ACOT2: variants seen among roughly 807,000 people sequenced by gnomAD.
The protein encoded by ACOT2 is acyl-CoA thioesterase 2.
In ACOT2, 15 loss-of-function variants were observed where a neutral mutation model predicts 20.1. That is an observed-to-expected ratio of 0.75 (90% CI 0.50 to 1.15). The LOEUF is 1.15. ACOT2 is among the 50% of genes most tolerant of loss of function. The probability of loss-of-function intolerance (pLI) is 0.00; values close to 1 mark genes in which losing one functional copy is unlikely to be tolerated. For missense variants in ACOT2, 479 were observed against 615.3 expected, an observed-to-expected ratio of 0.78 and a Z score of 2.34; for synonymous variants, 252 against 268.4, an observed-to-expected ratio of 0.94 and a Z score of 0.60.
intron 2 of ACOT2, among the ~76,000 whole-genome samples, chr14:73,573,892 A>G (rs183622252): frequency 1.8e-4 from 27 of 151,972 alleles, no homozygotes; most frequent in African/African-American, 6.5e-4. Context: ...ATGCTTGGCT[A>G]ATTTTTGTAT....
chr14:73,569,199 C>T (rs751733602), upstream of ACOT2: 23 of 1,604,066 alleles, frequency 1.4e-5, no homozygotes, highest in South Asian at 2.2e-5. Context: ...GCAGACAGCT[C>T]TGCCCTAGTG....
intron 1 of ACOT2, among the ~76,000 whole-genome samples, chr14:73,573,006 A>G (rs1566859845): frequency 6.6e-6 from 1 of 151,128 alleles, no homozygotes; most frequent in Non-Finnish European, 1.5e-5. Flanking sequence ...TGATAAAAAT[A>G]TCAGTAAGTG....
In ACOT2 at chr14:73,569,313, C is replaced by T; in HGVS notation, c.73C>T (p.Pro25Ser). The T allele has an allele frequency of 6.2e-7, 1 of 1,613,950 alleles. No homozygotes were observed. Among genetic ancestry groups the T allele is most frequent in the Non-Finnish European group, 8.5e-7 (1 of 1,179,794 alleles). Reference sequence around the variant, plus strand: ...GTCTGAATTCAAAATGGCCTCATCTCCTGCTGTCCTTCGAGCGTCCCGGCT... The same window carrying T: ...GTCTGAATTCAAAATGGCCTCATCTTCTGCTGTCCTTCGAGCGTCCCGGCT... ...LRSEFKMASS[P>S]AVLRASRLYQ... The change falls in exon 1 of 3, where the codon CCT becomes TCT. Residue 25 changes from proline (P) to serine (S), a missense_variant. This residue lies in a region of ACOT2 where 400 missense variants were observed against 395.5 expected (regional missense o/e 1.01). Coordinates refer to ENST00000238651, the MANE Select transcript of ACOT2 (RefSeq NM_006821.6).
At chr14:73,570,020 C>T (rs1007322611) in intron 1 of ACOT2, 137 bp downstream of exon 1, 19 of 1,349,124 alleles carry the variant, frequency 1.4e-5, no homozygotes, top group Non-Finnish European at 1.9e-5. Flanking sequence ...TTTCGAATTC[C>T]TGGTCTCCAG....
chr14:73,570,973 CCA>C (rs1229138566), intron 1 of ACOT2, among the ~76,000 whole-genome samples: 2 of 119,054 alleles, frequency 1.7e-5, no homozygotes, highest in South Asian at 2.5e-4. Context: ...GACTAGGAAG[CCA>C]CTTTTTTTTT....
At position 73,570,106 on chromosome 14, in the gene ACOT2, TAC is replaced by T. The variant is rs533573321; in HGVS notation, c.643+226_643+227del. On this transcript the variant is annotated intron_variant, in intron 1 of 2. Coordinates refer to ENST00000238651, the MANE Select transcript of ACOT2 (RefSeq NM_006821.6). The stretch of plus-strand genomic sequence containing the variant: ...CCGCGCCCGGCACTTTGAGGGGAGT[TAC>T]ACTTTTTTTTTTTTTCCGTCCCTGC... Among the ~76,000 whole-genome samples, 780 of 132,850 alleles carry T rather than the reference TAC, an allele frequency of 5.9e-3. 7 individuals carry two copies. Among genetic ancestry groups the T allele is most frequent in the African/African-American group, 0.02 (750 of 37,472 alleles). 87.2% of individuals were successfully genotyped at this position (132,850 alleles called of 152,430 possible).
chr14:73,568,694 C>T (rs1337814346), upstream of ACOT2, among the ~76,000 whole-genome samples: 4 of 151,812 alleles, frequency 2.6e-5, no homozygotes, highest in Non-Finnish European at 5.9e-5. Flanking sequence ...CTGAGGCGGG[C>T]GGATTACAAA....
At chr14:73,567,920 C>T (rs994708779), upstream of ACOT2, 3 of 152,120 alleles carry the variant, frequency 2.0e-5, no homozygotes, top group African/African-American at 4.8e-5. Flanking sequence ...CCGGACGCAT[C>T]TGAACATCAG....
rs765317546 is a variant in ACOT2 at position 73,573,341 on chromosome 14, G to C, written c.644-47G>C. ...TATGTTTAACTTAAACCATCCAACT[G>C]TTTCAGGAATAGCTTAGTTTTGCAT... On this transcript the variant is annotated intron_variant, in intron 1 of 2. Coordinates refer to ENST00000238651, the MANE Select transcript of ACOT2 (RefSeq NM_006821.6). 1.9e-6 allele frequency: 3 copies of C among 1,612,080 alleles called. No homozygotes were observed. The South Asian group carries it at 3.3e-5, about 18-fold the overall frequency.
Position 73,575,574 on chromosome 14 carries a change from T to C in ACOT2, c.*61T>C, listed in dbSNP as rs1469964276. The stretch of plus-strand genomic sequence containing the variant: ...CTCTCCTGGAAACATCTGCCACATT[T>C]AGTGTGTGTATGTGTATTCATTCTT... On this transcript the variant is annotated 3_prime_UTR_variant, in exon 3 of 3. Transcript: ENST00000238651. The C allele has an allele frequency of 6.5e-7, 1 of 1,549,050 alleles. No homozygotes were observed.
intron 1 of ACOT2, among the ~76,000 whole-genome samples, chr14:73,572,418 T>C (rs1197940276): frequency 1.3e-5 from 2 of 149,926 alleles, no homozygotes; most frequent in African/African-American, 2.4e-5. Context: ...GGAGAACACA[T>C]TCAGTATCAT....
Position 73,569,453 on chromosome 14 carries a change from T to C in ACOT2, c.213T>C (p.Pro71=), listed in dbSNP as rs750625786. 116 of 1,613,454 alleles carry C rather than the reference T, an allele frequency of 7.2e-5. 1 individual carries two copies. Among genetic ancestry groups the C allele is most frequent in the South Asian group, 8.8e-5 (8 of 91,052 alleles). ...ARMAATLILE[P]AGRCCWDEPV... The stretch of plus-strand genomic sequence containing the variant: ...TGGCGGCGACGCTGATCCTGGAGCC[T>C]GCGGGCCGCTGCTGCTGGGACGAAC... Residue 71 remains proline (P), a synonymous_variant, in exon 1 of 3, where the codon CCT becomes CCC. Coordinates refer to ENST00000238651, the MANE Select transcript of ACOT2 (RefSeq NM_006821.6).
Position 73,569,849 on chromosome 14 carries a change from G to T in ACOT2, c.609G>T (p.Val203=). Residue 203 remains valine (V), a synonymous_variant, in exon 1 of 3, where the codon GTG becomes GTT. Coordinates refer to ENST00000238651, the MANE Select transcript of ACOT2 (RefSeq NM_006821.6). ...PPGVRREPVR[V]GRVRGTLFLP... Reference sequence around the variant, plus strand: ...GGGTGCGGCGCGAGCCGGTGCGCGTGGGCCGGGTGCGAGGCACGCTCTTCC... The same window carrying T: ...GGGTGCGGCGCGAGCCGGTGCGCGTTGGCCGGGTGCGAGGCACGCTCTTCC... 3 of 1,605,094 alleles carry T rather than the reference G, an allele frequency of 1.9e-6. No individual in the cohort carries two copies. The highest frequency in any genetic ancestry group is 1.7e-6 in the Non-Finnish European group (2 of 1,176,308).
chr14:73,570,922 T>A (rs1889725322), intron 1 of ACOT2, among the ~76,000 whole-genome samples: 1 of 144,078 alleles, frequency 6.9e-6, no homozygotes, highest in South Asian at 2.2e-4. Flanking sequence ...AAAAAAAAAA[T>A]TCAGGTAGTT....
At chr14:73,574,338 C>G (rs865796332) in intron 2 of ACOT2, 1 of 163,096 alleles carries the variant, frequency 6.1e-6, no homozygotes, top group South Asian at 1.5e-4. Flanking sequence ...GATCTCGGCT[C>G]ACTGCAAACT....
In ACOT2 at chr14:73,574,774, A is replaced by C; in HGVS notation, c.847-134A>C. 4.1e-6 allele frequency: 6 copies of C among 1,479,150 alleles called. 1 individual carries two copies. Among genetic ancestry groups the C allele is most frequent in the Non-Finnish European group, 2.8e-6 (3 of 1,086,502 alleles). The allele number at this position is 1,479,150 out of a possible 1,614,324, so 91.6% of individuals were successfully genotyped here. A position where few individuals can be genotyped will look rare whatever the true frequency, so the allele number is the denominator to read the frequency against. ...GAGATAGAGGGGAGGTAAATTCTCA[A>C]AGTTGCAAATCTGGGTAAATGGTAG... On this transcript the variant is annotated intron_variant, in intron 2 of 2. Transcript: ENST00000238651.
rs1436571079 is a variant in ACOT2, at chr14:73,575,561, C to T, written c.*48C>T. ...CTCTGTTGCTAATCTCTCCTGGAAA[C>T]ATCTGCCACATTTAGTGTGTGTATG... On this transcript the variant is annotated 3_prime_UTR_variant, in exon 3 of 3. Transcript: ENST00000238651. 7.8e-6 allele frequency: 12 copies of T among 1,539,666 alleles called. No homozygotes were observed. The highest frequency in any genetic ancestry group is 7.0e-5 in the African/African-American group (5 of 71,612).
Position 73,573,502 on chromosome 14 carries a change from A to G in ACOT2, c.758A>G (p.Tyr253Cys), listed in dbSNP as rs371120372. ...TTTGCTGTGATGGCTCTGGCTTATTATAACTATGAAGACCTCCCCAAGACC... is the reference window on the plus strand; with the variant it reads ...TTTGCTGTGATGGCTCTGGCTTATTGTAACTATGAAGACCTCCCCAAGACC... ...KGFAVMALAY[Y>C]NYEDLPKTME... Residue 253 changes from tyrosine (Y) to cysteine (C), a missense_variant, in exon 2 of 3, where the codon TAT becomes TGT. This residue lies in a region of ACOT2 where 400 missense variants were observed against 395.5 expected (regional missense o/e 1.01). Transcript: ENST00000238651. The G allele has an allele frequency of 1.7e-5, 27 of 1,613,610 alleles. No homozygotes were observed. The highest frequency in any genetic ancestry group is 1.1e-4 in the East Asian group (5 of 44,866).
chr14:73,569,392 G>A lies in ACOT2; in HGVS notation c.152G>A (p.Arg51Lys), dbSNP rs1481301509. 9 of 1,613,870 alleles carry A rather than the reference G, an allele frequency of 5.6e-6. No individual in the cohort carries two copies. Among genetic ancestry groups the A allele is most frequent in the East Asian group, 2.2e-5 (1 of 44,900 alleles). Residue 51 changes from arginine (R) to lysine (K), a missense_variant, in exon 1 of 3, where the codon AGG becomes AAG. By Grantham distance (26) the Arg-to-Lys change is conservative. Transcript: ENST00000238651. Reference sequence around the variant, plus strand: ...CAGTTCCTGGGGTCTCCACAGCTGAGGCAGGTTGGTCAGATCATTAGGGTT... The same window carrying A: ...CAGTTCCTGGGGTCTCCACAGCTGAAGCAGGTTGGTCAGATCATTAGGGTT... ...SAQFLGSPQL[R>K]QVGQIIRVPA... is the part of the protein sequence containing the mutation.
Sources: gnomAD v4.1 joint callset for allele counts (sites outside exome capture counted in the v4.1 genomes callset) on GRCh38, gnomAD v4.1.1 for gene constraint, gnomAD v4.1.1 regional missense constraint, MANE v1.5 for transcripts, NCBI Gene and HGNC (gene_info 2026-07-23, HGNC 2026-07-21) for gene names.